Variants in JUP observed in about 807,000 individuals in gnomAD.
JUP encodes the protein junction plakoglobin, also known as catenin (cadherin-associated protein), gamma 80kDa.
Under a neutral mutation model 71.1 loss-of-function variants are expected in JUP, and 28 were observed. The ratio of observed to expected loss-of-function variants is 0.39; its 90% CI spans 0.29 to 0.54. The LOEUF is 0.54. JUP is among the 20% of genes least tolerant of loss of function. JUP has a pLI of 0.62. For missense variants in JUP, 869 were observed against 1,030.1 expected (o/e 0.84, Z 2.14); for synonymous variants, 401 against 438.9 (o/e 0.91, Z 1.08).
chr17:41,755,863 T>C lies in JUP; in HGVS notation c.2119A>G (p.Ser707Gly). 6.2e-7 allele frequency: 1 copy of C among 1,612,404 alleles called. No homozygotes were observed. The highest frequency in any genetic ancestry group is 8.5e-7 in the Non-Finnish European group (1 of 1,179,188). The change falls in exon 14 of 14, where the codon AGC becomes GGC. Residue 707 changes from serine (S) to glycine (G), a missense_variant. By Grantham distance (56) the Ser-to-Gly change is moderately conservative. Coordinates refer to ENST00000393931, the MANE Select transcript of JUP (RefSeq NM_002230.4). ...TCCAGCGGGTCAAGGGGCACATCGC[T>C]GGAGTACATGGGGCGGTAGGTGGCA... ...MDATYRPMYSSDVPLDPLEMH... is the reference protein window; with the variant it reads ...MDATYRPMYSGDVPLDPLEMH...
Position 41,764,746 on chromosome 17 carries a change from G to A in JUP, c.1125C>T (p.Thr375=), listed in dbSNP as rs782108002. The A allele has an allele frequency of 1.6e-5, 26 of 1,613,104 alleles. No individual in the cohort carries two copies. The East Asian group carries it at 4.5e-4, about 28-fold the overall frequency. Residue 375 remains threonine (T), a synonymous_variant, in exon 7 of 14, where the codon ACC becomes ACT. Transcript: ENST00000393931. ...SPRLVQNCLW[T]LRNLSDVATK... ...TGGCCACATCTGAGAGGTTGCGCAG[G>A]GTCCACAGGCAGTTCTGCACCAGGC...
chr17:41,762,285 C>T (rs4313851), intron 8 of JUP, among the ~76,000 whole-genome samples: 90,693 of 149,272 alleles, frequency 0.61, 29,039 homozygotes, highest in Non-Finnish European at 0.73. Flanking sequence ...ATGTTACCCA[C>T]GATGGTCTCA....
At chr17:41,761,466 C>T (rs1371841787) in intron 8 of JUP, among the ~76,000 whole-genome samples, 31 of 152,024 alleles carry the variant, frequency 2.0e-4, no homozygotes, top group Non-Finnish European at 1.5e-4. Flanking sequence ...TCGTCTACAC[C>T]CAGTGGCATA....
rs1555610931 is a variant in JUP, at chr17:41,783,711, G to A, written c.-9+2877C>T. 7.2e-5 allele frequency among the ~76,000 whole-genome samples: 11 copies of A among 151,900 alleles called. 1 individual carries two copies. In the South Asian group the frequency reaches 1.9e-3, roughly 26 times the overall value. ...CGGGGCGGGCGAATCACGAGGTCAG[G>A]AGATCAAGACCAGCCTGCGCAACAT... On this transcript the variant is annotated intron_variant, in intron 1 of 13. Transcript: ENST00000393931.
In JUP at chr17:41,764,928, T is replaced by C. The variant is rs1915464336; in HGVS notation, c.1049A>G (p.Glu350Gly). The change falls in exon 6 of 14, where the codon GAG (glutamate) becomes GGG (glycine). Residue 350 changes from glutamate to glycine, a missense_variant. Glu to Gly is a moderately conservative substitution (Grantham distance 98, BLOSUM62 -2). Transcript: ENST00000393931. ...VCPSNKPAIV[E>G]AGGMQALGKH... ...CTCAAGGCCATCATACTCACCAGCC[T>C]CCACAATGGCAGGCTTATTGCTGGG... 6.2e-7 allele frequency: 1 copy of C among 1,614,122 alleles called. No homozygotes were observed. The highest frequency in any genetic ancestry group is 1.1e-5 in the South Asian group (1 of 91,084).
chr17:41,782,356 C>T (rs1312016679), intron 1 of JUP, among the ~76,000 whole-genome samples: 1 of 152,208 alleles, frequency 6.6e-6, no homozygotes, highest in Non-Finnish European at 1.5e-5. Flanking sequence ...TCAAGAGCAG[C>T]CTGGCAGCAC....
At chr17:41,756,863 G>A (rs1428488274) in intron 12 of JUP, among the ~76,000 whole-genome samples, 3 of 152,156 alleles carry the variant, frequency 2.0e-5, no homozygotes, top group Non-Finnish European at 4.4e-5. Context: ...TCACACCACT[G>A]CACTCCAGCC....
chr17:41,757,660 A>C lies in JUP; in HGVS notation c.1898T>G (p.Leu633Trp). Residue 633 changes from leucine (L) to tryptophan (W), a missense_variant, in exon 11 of 14, where the codon TTG becomes TGG. Transcript: ENST00000393931. ...AGTGCCCTCGTTGCGGGAGTGCAGC[A>C]ACTCCATGAGTGGGGCCGAGGCCCC... ...AEGASAPLME[L>W]LHSRNEGTAT... 1 of 1,613,774 alleles carries C rather than the reference A, an allele frequency of 6.2e-7. No individual in the cohort carries two copies. Among genetic ancestry groups the C allele is most frequent in the Non-Finnish European group, 8.5e-7 (1 of 1,179,856 alleles).
intron 5 of JUP, among the ~76,000 whole-genome samples, chr17:41,765,953 C>G (rs1173970958): frequency 6.6e-6 from 1 of 152,184 alleles, no homozygotes; most frequent in African/African-American, 2.4e-5. Flanking sequence ...GAGGTCTCCA[C>G]TTAATGAAAT....
At chr17:41,776,919 T>A (rs1555608888) in intron 1 of JUP, among the ~76,000 whole-genome samples, 1 of 151,940 alleles carries the variant, frequency 6.6e-6, no homozygotes. Flanking sequence ...GGCAGGCGAA[T>A]CACTTGAACC....
chr17:41,769,711 C>T (rs1482089688), intron 2 of JUP, 34 bp from the exon 3 acceptor site: 6 of 1,599,720 alleles, frequency 3.8e-6, no homozygotes, highest in Non-Finnish European at 5.1e-6. Flanking sequence ...TGAGTGCAGG[C>T]AGTGGGCTGG....
chr17:41,755,620 G>T lies in JUP; in HGVS notation c.*124C>A. 1 of 982,764 alleles carries T rather than the reference G, an allele frequency of 1.0e-6. No homozygotes were observed. The highest frequency in any genetic ancestry group is 1.4e-6 in the Non-Finnish European group (1 of 691,020). The allele number at this position is 982,764 out of a possible 1,614,324, so 60.9% of individuals were successfully genotyped here. The stretch of plus-strand genomic sequence containing the variant: ...ACACCGTGCTTGGGGAAGCTCAGCA[G>T]CAAAGGATCCCCCCAAAAAAGGAGC... On this transcript the variant is annotated 3_prime_UTR_variant, in exon 14 of 14. Coordinates refer to ENST00000393931, the MANE Select transcript of JUP (RefSeq NM_002230.4).
intron 8 of JUP, among the ~76,000 whole-genome samples, chr17:41,761,582 T>C (rs1914812313): frequency 6.6e-6 from 1 of 151,846 alleles, no homozygotes; most frequent in African/African-American, 2.4e-5. Context: ...AAGGCCAAAG[T>C]GGGTGGATCA....
intron 2 of JUP, 62 bp from the exon 3 acceptor site, chr17:41,769,739 G>C: frequency 6.4e-7 from 1 of 1,568,136 alleles, no homozygotes; most frequent in Non-Finnish European, 8.6e-7. Flanking sequence ...CTGGGGAGCA[G>C]GGCAGGCCAC....
Position 41,771,745 on chromosome 17 carries a change from A to T in JUP, c.110T>A (p.Val37Asp). 2 of 1,614,104 alleles carry T rather than the reference A, an allele frequency of 1.2e-6. No individual in the cohort carries two copies. Among genetic ancestry groups the T allele is most frequent in the African/African-American group, 2.7e-5 (2 of 75,018 alleles). The part of the protein sequence containing the change: ...HSGANTCVPS[V>D]SSKGIMEEDE... The stretch of plus-strand genomic sequence containing the variant: ...CTCCTCCATGATGCCCTTGCTGCTG[A>T]CGGAGGGCACGCAGGTGTTGGCGCC... The change falls in exon 2 of 14, where the codon GTC becomes GAC. Residue 37 changes from valine to aspartate, a missense_variant. Val to Asp is a radical substitution (Grantham distance 152). Transcript: ENST00000393931.
At position 41,766,570 on chromosome 17, in the gene JUP, G is replaced by A. The variant is rs111890710; in HGVS notation, c.909+809C>T. Among the ~76,000 whole-genome samples the A allele has an allele frequency of 9.4e-4, 143 of 151,958 alleles. 1 individual carries two copies. Among genetic ancestry groups the A allele is most frequent in the African/African-American group, 3.1e-3 (130 of 41,472 alleles). On this transcript the variant is annotated intron_variant, in intron 5 of 13. Coordinates refer to ENST00000393931, the MANE Select transcript of JUP (RefSeq NM_002230.4). ...ATCCCATCTCTATAAAAAATTAGTT[G>A]GGGGTGGGGCACGGTGTCTCATGCC...
intron 1 of JUP, among the ~76,000 whole-genome samples, chr17:41,773,606 T>C (rs1916998699): frequency 6.6e-6 from 1 of 151,870 alleles, no homozygotes; most frequent in Non-Finnish European, 1.5e-5. Flanking sequence ...ACCAGCCCCC[T>C]TTCCACACGC....
chr17:41,772,726 G>A (rs900651988), intron 1 of JUP: 51 of 862,292 alleles, frequency 5.9e-5, no homozygotes, highest in Non-Finnish European at 6.7e-5. Flanking sequence ...TGGTCTCCTC[G>A]AGCCCAGGCT....
At chr17:41,772,909 AC>A in intron 1 of JUP, 1 of 985,412 alleles carries the variant, frequency 1.0e-6, no homozygotes, top group Non-Finnish European at 1.2e-6. Flanking sequence ...CTGGGAACTG[AC>A]CTGCAGAGGT....
Sources: gnomAD v4.1 joint callset for allele counts (sites outside exome capture counted in the v4.1 genomes callset) on GRCh38, gnomAD v4.1.1 for gene constraint, MANE v1.5 for transcripts, NCBI Gene and HGNC (gene_info 2026-07-23, HGNC 2026-07-21) for gene names.